Variants in RBBP9 observed in about 807,000 individuals in gnomAD.
RBBP9 encodes serine hydrolase RBBP9.
RBBP9 carries 20 observed loss-of-function variants against 24.2 expected under a neutral mutation model. The ratio of observed to expected loss-of-function variants is 0.83; its 90% CI spans 0.58 to 1.20. The LOEUF is 1.20. RBBP9 is among the 50% of genes most tolerant of loss of function. The probability of loss-of-function intolerance (pLI) is 0.00; values close to 1 mark genes in which losing one functional copy is unlikely to be tolerated. For missense variants in RBBP9, 234 were observed against 233.6 expected (o/e 1.00, Z -0.01); for synonymous variants, 74 against 84.6 (o/e 0.87, Z 0.69).
At chr20:18,491,719 G>A (rs1446889400) in intron 3 of RBBP9, among the ~76,000 whole-genome samples, 1 of 152,194 alleles carries the variant, frequency 6.6e-6, no homozygotes, top group Admixed American at 6.5e-5. Flanking sequence ...CCAAGAAAGA[G>A]TTAGGGTTGG....
chr20:18,489,900 G>T lies in RBBP9; in HGVS notation c.425C>A (p.Pro142His). The T allele has an allele frequency of 6.2e-7, 1 of 1,613,958 alleles. No individual in the cohort carries two copies. The highest frequency in any genetic ancestry group is 8.5e-7 in the Non-Finnish European group (1 of 1,179,932). The stretch of plus-strand genomic sequence containing the variant: ...GGCCACTTCTTGTTGTTCCTTCCAG[G>T]GAAGGAACGGGTCGTCAGTAGAGCC... The part of the protein sequence containing the change: ...QFGSTDDPFL[P>H]WKEQQEVADR... Residue 142 changes from proline to histidine, a missense_variant, in exon 5 of 5, where the codon CCC becomes CAC. By Grantham distance (77) the Pro-to-His change is moderately conservative. Transcript: ENST00000337227.
intron 3 of RBBP9, among the ~76,000 whole-genome samples, chr20:18,491,671 A>G (rs1282806527): frequency 6.6e-6 from 1 of 152,218 alleles, no homozygotes; most frequent in Non-Finnish European, 1.5e-5. Flanking sequence ...GGGATAAGGA[A>G]AGACACATAG....
chr20:18,495,913 A>G (rs773345197), intron 1 of RBBP9, 33 bp from the exon 2 acceptor site: 1 of 1,459,408 alleles, frequency 6.9e-7, no homozygotes, highest in Non-Finnish European at 9.3e-7. Flanking sequence ...AAGCTATAAT[A>G]AAGAGCTTAA....
intron 4 of RBBP9, among the ~76,000 whole-genome samples, 159 bp from the exon 5 acceptor site, chr20:18,490,149 CCA>C (rs2059859965): frequency 6.6e-6 from 1 of 152,144 alleles, no homozygotes; most frequent in African/African-American, 2.4e-5. Context: ...GGGCTTGATA[CCA>C]CAGTTACTCG....
chr20:18,493,362 A>G (rs148746484), intron 3 of RBBP9, among the ~76,000 whole-genome samples: 21 of 152,308 alleles, frequency 1.4e-4, no homozygotes, highest in African/African-American at 5.1e-4. Flanking sequence ...CCCTGCCTTC[A>G]TGGAGTCTAC....
At position 18,489,908 on chromosome 20, in the gene RBBP9, C is replaced by A. The variant is rs781104713; in HGVS notation, c.417G>T (p.Pro139=). The A allele has an allele frequency of 4.3e-6, 7 of 1,613,918 alleles. No individual in the cohort carries two copies. Among genetic ancestry groups the A allele is most frequent in the Non-Finnish European group, 5.9e-6 (7 of 1,179,912 alleles). ...CTTGTTGTTCCTTCCAGGGAAGGAA[C>A]GGGTCGTCAGTAGAGCCAAACTGCA... ...YIVQFGSTDD[P]FLPWKEQQEV... is the part of the protein sequence containing the mutation. The change falls in exon 5 of 5, where the codon CCG becomes CCT. Residue 139 remains proline (P), a synonymous_variant. Transcript: ENST00000337227.
intron 3 of RBBP9, among the ~76,000 whole-genome samples, chr20:18,492,492 A>C (rs1172542522): frequency 6.6e-6 from 1 of 152,206 alleles, no homozygotes; most frequent in Non-Finnish European, 1.5e-5. Context: ...ATTTCTGGCA[A>C]GGATACTGCA....
rs1172638279 is a variant in RBBP9, at chr20:18,489,752, A to T, written c.*12T>A. ...CCTATATTGGGATGCAAAATAGCAG[A>T]AATCATACAGTCTATGCTGGTACTT... On this transcript the variant is annotated 3_prime_UTR_variant, in exon 5 of 5. Transcript: ENST00000337227. The T allele has an allele frequency of 6.4e-7, 1 of 1,556,932 alleles. No individual in the cohort carries two copies. The highest frequency in any genetic ancestry group is 1.7e-5 in the Admixed American group (1 of 59,630).
chr20:18,497,184 G>C lies in RBBP9; in HGVS notation c.-17C>G, dbSNP rs373226951. On this transcript the variant is annotated 5_prime_UTR_variant, in exon 1 of 5. Transcript: ENST00000337227. ...AGAAGCCATGAGTGCAGCGAGGCCA[G>C]AGTTCCCCAGCGCGGGTCCAGCGGA... is the stretch of plus-strand genomic sequence containing the variant. 8.0e-5 allele frequency: 128 copies of C among 1,598,754 alleles called. No homozygotes were observed. The African/African-American group carries it at 1.5e-3, about 19-fold the overall frequency.
rs1555784505 is a variant in RBBP9, at chr20:18,488,971, G to GTATATATA, written c.*785_*792dup. On this transcript the variant is annotated 3_prime_UTR_variant, in exon 5 of 5. Coordinates refer to ENST00000337227, the MANE Select transcript of RBBP9 (RefSeq NM_006606.3). The stretch of plus-strand genomic sequence containing the variant: ...TATGTGTATGTGTGTGTGTGTGTGT[G>GTATATATA]TATATATATATATATTTGCATTCCC... 6.7e-6 allele frequency: 1 copy of GTATATATA among 148,804 alleles called. No individual in the cohort carries two copies. The highest frequency in any genetic ancestry group is 1.5e-5 in the Non-Finnish European group (1 of 67,182). 9.2% of individuals were successfully genotyped at this position (148,804 alleles called of 1,614,324 possible). A position where few individuals can be genotyped will look rare whatever the true frequency, so the allele number is the denominator to read the frequency against.
intron 2 of RBBP9, 113 bp from the exon 3 acceptor site, chr20:18,494,176 G>T: frequency 1.3e-6 from 1 of 753,252 alleles, no homozygotes; most frequent in Non-Finnish European, 2.2e-6. Context: ...TTTTAAAACT[G>T]CAGGACCACA....
chr20:18,490,870 G>A (rs1031106509), intron 3 of RBBP9, among the ~76,000 whole-genome samples: 4 of 151,728 alleles, frequency 2.6e-5, no homozygotes, highest in African/African-American at 9.7e-5. Flanking sequence ...GTAGAGACGG[G>A]GTTTCACCAT....
chr20:18,490,508 A>G (rs760558924), intron 3 of RBBP9, 28 bp from the exon 4 acceptor site: 2 of 1,523,338 alleles, frequency 1.3e-6, no homozygotes, highest in Non-Finnish European at 1.8e-6. Context: ...ATGTCAGCTA[A>G]TATATAATGT....
At position 18,495,902 on chromosome 20, in the gene RBBP9, A is replaced by G. The variant is rs1472328559; in HGVS notation, c.100-22T>C. ...GTATCTATGATATGAGGGGGGAGAA[A>G]AAGCTATAATAAAGAGCTTAATTAC... On this transcript the variant is annotated intron_variant, in intron 1 of 4. Coordinates refer to ENST00000337227, the MANE Select transcript of RBBP9 (RefSeq NM_006606.3). The G allele has an allele frequency of 2.7e-6, 4 of 1,502,758 alleles. No individual in the cohort carries two copies. The African/African-American group carries it at 5.7e-5, about 22-fold the overall frequency. The allele number at this position is 1,502,758 out of a possible 1,614,324, so 93.1% of individuals were successfully genotyped here. A position where few individuals can be genotyped will look rare whatever the true frequency, so the allele number is the denominator to read the frequency against.
intron 4 of RBBP9, 119 bp from the exon 5 acceptor site, chr20:18,490,109 A>G: frequency 5.6e-6 from 4 of 708,496 alleles, no homozygotes; most frequent in Non-Finnish European, 9.4e-6. Context: ...CGTGTGAGTT[A>G]GAAGCACTTC....
intron 4 of RBBP9, 64 bp downstream of exon 4, chr20:18,490,331 A>C: frequency 7.6e-7 from 1 of 1,321,042 alleles, no homozygotes; most frequent in Middle Eastern, 1.8e-4. Flanking sequence ...CTGTTTTTAC[A>C]ACCTAAACAG....
rs1426236853 is a variant in RBBP9 at position 18,488,778 on chromosome 20, T to C, written c.*986A>G. On this transcript the variant is annotated 3_prime_UTR_variant, in exon 5 of 5. Coordinates refer to ENST00000337227, the MANE Select transcript of RBBP9 (RefSeq NM_006606.3). Reference sequence around the variant, plus strand: ...ATTATGTTCATCTTGGTTATCTTAGTCTTTTCTCAGACTTCACAGACAATT... The same window carrying C: ...ATTATGTTCATCTTGGTTATCTTAGCCTTTTCTCAGACTTCACAGACAATT... The C allele has an allele frequency of 6.6e-6, 1 of 152,244 alleles. No individual in the cohort carries two copies. The highest frequency in any genetic ancestry group is 1.9e-4 in the East Asian group (1 of 5,204). The allele number at this position is 152,244 out of a possible 1,614,324, so 9.4% of individuals were successfully genotyped here. A position where few individuals can be genotyped will look rare whatever the true frequency, so the allele number is the denominator to read the frequency against.
At position 18,494,075 on chromosome 20, in the gene RBBP9, G is replaced by A. The variant is rs1330769890; in HGVS notation, c.143-12C>T. 1 of 1,606,900 alleles carries A rather than the reference G, an allele frequency of 6.2e-7. No homozygotes were observed. The highest frequency in any genetic ancestry group is 1.3e-5 in the African/African-American group (1 of 74,706). The stretch of plus-strand genomic sequence containing the variant: ...CTCTCGTGCTGTAACTTAAGGTTCA[G>A]GGTAAAGAAAAAGTCTGTCATTTGA... On this transcript the variant is annotated splice_polypyrimidine_tract_variant and intron_variant, in intron 2 of 4. Transcript: ENST00000337227.
At chr20:18,495,073 C>T (rs2059880557) in intron 2 of RBBP9, among the ~76,000 whole-genome samples, 1 of 151,534 alleles carries the variant, frequency 6.6e-6, no homozygotes, top group Admixed American at 6.6e-5. Context: ...GGCCACCACC[C>T]CGTCTGGGAG....
Sources: allele counts gnomAD v4.1 joint callset (sites outside exome capture counted in the v4.1 genomes callset), GRCh38; gene constraint gnomAD v4.1.1; transcripts MANE v1.5; gene names NCBI Gene and HGNC (gene_info 2026-07-23, HGNC 2026-07-21).